Variants in SLAIN1 observed in about 807,000 individuals in gnomAD.
The protein encoded by SLAIN1 is SLAIN family member 1.
In SLAIN1, 17 loss-of-function variants were observed where a neutral mutation model predicts 55.4. The observed-to-expected ratio is 0.31, with a 90% CI of 0.21 to 0.46. SLAIN1 has a LOEUF of 0.46. Among genes scored for constraint, SLAIN1 ranks in the 20% least tolerant of loss-of-function variants. The probability of loss-of-function intolerance (pLI) is 1.00; values close to 1 mark genes in which losing one functional copy is unlikely to be tolerated. For synonymous variants in SLAIN1, 348 were observed against 337.4 expected, an observed-to-expected ratio of 1.03 and a Z score of -0.35; for missense variants, 682 against 785.1, an observed-to-expected ratio of 0.87 and a Z score of 1.57.
At chr13:77,733,752 A>C (rs1019269486) in intron 2 of SLAIN1, among the ~76,000 whole-genome samples, 1 of 152,184 alleles carries the variant, frequency 6.6e-6, no homozygotes, top group Non-Finnish European at 1.5e-5. Context: ...AGTACTGTGA[A>C]CATCTGCTTC....
chr13:77,741,441 G>A (rs1873432895), intron 2 of SLAIN1: 1 of 987,266 alleles, frequency 1.0e-6, no homozygotes, highest in Non-Finnish European at 1.2e-6. Flanking sequence ...CTTAACCACT[G>A]TAAGTTACGG....
chr13:77,727,894 A>G (rs1206346122), intron 2 of SLAIN1, among the ~76,000 whole-genome samples: 1 of 152,220 alleles, frequency 6.6e-6, no homozygotes, highest in African/African-American at 2.4e-5. Flanking sequence ...ACAGATTTTC[A>G]TTTAGAAATT....
chr13:77,724,564 C>G (rs940272883), intron 2 of SLAIN1, among the ~76,000 whole-genome samples: 3 of 152,094 alleles, frequency 2.0e-5, no homozygotes, highest in Admixed American at 6.6e-5. Flanking sequence ...AGTTAATCCC[C>G]CATATTGAAG....
chr13:77,700,245 A>T (rs1486487691), intron 1 of SLAIN1, among the ~76,000 whole-genome samples: 1 of 152,216 alleles, frequency 6.6e-6, no homozygotes, highest in Non-Finnish European at 1.5e-5. Context: ...TCCAAATAGC[A>T]TTGAAATAAT....
chr13:77,749,454 G>T (rs1459067904), intron 4 of SLAIN1, among the ~76,000 whole-genome samples: 24 of 152,146 alleles, frequency 1.6e-4, no homozygotes, highest in Admixed American at 1.6e-3. Flanking sequence ...CTCCCCTGGA[G>T]CCTGTGTTGC....
chr13:77,762,673 T>G (rs979138780), intron 6 of SLAIN1, among the ~76,000 whole-genome samples: 8 of 152,202 alleles, frequency 5.3e-5, no homozygotes, highest in Non-Finnish European at 1.5e-5. Context: ...GTGTTGGGAT[T>G]ATAGATGTGA....
rs1381195249 is a variant in SLAIN1, at chr13:77,700,736, G to A, written c.626+2197G>A. Among the ~76,000 whole-genome samples, 9 of 152,246 alleles carry A rather than the reference G, an allele frequency of 5.9e-5. No homozygotes were observed. In the East Asian group the frequency reaches 1.4e-3, roughly 23 times the overall value. On this transcript the variant is annotated intron_variant, in intron 1 of 6. Transcript: ENST00000418532. ...TGCTGTTCATTTGGTTCCCTGATATGTTTGCAGGATGGCAACTTATTTTTA... is the reference window on the plus strand; with the variant it reads ...TGCTGTTCATTTGGTTCCCTGATATATTTGCAGGATGGCAACTTATTTTTA...
chr13:77,753,971 C>T (rs1312346038), intron 5 of SLAIN1, among the ~76,000 whole-genome samples: 1 of 152,204 alleles, frequency 6.6e-6, no homozygotes, highest in African/African-American at 2.4e-5. Flanking sequence ...TAGCATTAGG[C>T]CTAGTGCTGT....
chr13:77,733,706 G>C (rs1872982714), intron 2 of SLAIN1, among the ~76,000 whole-genome samples: 1 of 152,140 alleles, frequency 6.6e-6, no homozygotes, highest in South Asian at 2.1e-4. Flanking sequence ...ATACATTACA[G>C]TTGAATTCTC....
At chr13:77,761,577 G>A (rs1875026107) in intron 6 of SLAIN1, among the ~76,000 whole-genome samples, 1 of 152,170 alleles carries the variant, frequency 6.6e-6, no homozygotes, top group Admixed American at 6.5e-5. Context: ...TGTTGAATCA[G>A]TCATTTTTAA....
At chr13:77,724,617 T>C (rs932710183) in intron 2 of SLAIN1, among the ~76,000 whole-genome samples, 1 of 152,214 alleles carries the variant, frequency 6.6e-6, no homozygotes, top group East Asian at 1.9e-4. Context: ...TTGTCAATGA[T>C]GGTTAATTGA....
chr13:77,747,529 G>C (rs1873923375), intron 4 of SLAIN1, among the ~76,000 whole-genome samples: 1 of 152,152 alleles, frequency 6.6e-6, no homozygotes, highest in African/African-American at 2.4e-5. Flanking sequence ...TCTGTGAGTT[G>C]TCATTCCTTA....
chr13:77,741,471 C>G (rs1387503468), intron 2 of SLAIN1: 1 of 983,982 alleles, frequency 1.0e-6, no homozygotes, highest in Non-Finnish European at 1.2e-6. Flanking sequence ...GTGACATATA[C>G]GACTGGTGTC....
intron 1 of SLAIN1, chr13:77,699,221 C>A: frequency 1.9e-6 from 1 of 515,714 alleles, no homozygotes; most frequent in Non-Finnish European, 3.3e-6. Context: ...GTGGAATGAA[C>A]AGGTGGGAGG....
At chr13:77,720,486 T>C (rs1055390951) in intron 2 of SLAIN1, among the ~76,000 whole-genome samples, 3 of 152,190 alleles carry the variant, frequency 2.0e-5, no homozygotes, top group African/African-American at 7.2e-5. Flanking sequence ...TGTACACTGA[T>C]ATTTGAGAAC....
At chr13:77,753,874 CTAAAG>C (rs552551753) in intron 5 of SLAIN1, among the ~76,000 whole-genome samples, 402 of 152,186 alleles carry the variant, frequency 2.6e-3, no homozygotes, top group Middle Eastern at 0.01. Flanking sequence ...TTTAGAGTGT[CTAAAG>C]TAGTTTTTGT....
intron 1 of SLAIN1, among the ~76,000 whole-genome samples, chr13:77,714,919 G>A (rs571794438): frequency 2.2e-4 from 34 of 152,198 alleles, no homozygotes; most frequent in African/African-American, 8.2e-4. Flanking sequence ...CCAGACTGGA[G>A]TTCAGTGGCA....
chr13:77,703,904 T>C (rs867252448), intron 1 of SLAIN1, among the ~76,000 whole-genome samples: 12 of 131,874 alleles, frequency 9.1e-5, no homozygotes, highest in African/African-American at 2.8e-4. Context: ...TATATATATA[T>C]ACACACACAC....
chr13:77,701,000 CAT>C (rs890695932), intron 1 of SLAIN1, among the ~76,000 whole-genome samples: 6 of 152,254 alleles, frequency 3.9e-5, no homozygotes, highest in African/African-American at 9.6e-5. Context: ...AATATACAAA[CAT>C]ATACACATCA....
Sources: gnomAD v4.1 joint callset for allele counts (sites outside exome capture counted in the v4.1 genomes callset) on GRCh38, gnomAD v4.1.1 for gene constraint, MANE v1.5 for transcripts, NCBI Gene and HGNC (gene_info 2026-07-23, HGNC 2026-07-21) for gene names.